The following NWD1 variants were observed in gnomAD, a reference collection of about 807,000 sequenced individuals.
The protein encoded by NWD1 is NACHT domain- and WD repeat-containing protein 1.
A neutral mutation model predicts 135.1 loss-of-function variants in NWD1; 129 were observed. The observed-to-expected ratio is 0.96, with a 90% CI of 0.83 to 1.11. NWD1 has a LOEUF of 1.11. NWD1 is among the 50% of genes least tolerant of loss of function. The probability of loss-of-function intolerance (pLI) is 0.00; values close to 1 mark genes in which losing one functional copy is unlikely to be tolerated. For missense variants in NWD1, 1,740 were observed against 1,851.3 expected, an observed-to-expected ratio of 0.94 and a Z score of 1.10; for synonymous variants, 773 against 786.0, an observed-to-expected ratio of 0.98 and a Z score of 0.28.
At chr19:16,777,039 G>A (rs1316427826) in intron 11 of NWD1, among the ~76,000 whole-genome samples, 1 of 90,412 alleles carries the variant, frequency 1.1e-5, no homozygotes, top group African/African-American at 4.5e-5. Flanking sequence ...GAAGGGAAAG[G>A]GAACTGGAGG....
intron 10 of NWD1, among the ~76,000 whole-genome samples, chr19:16,765,676 A>C (rs1969196240): frequency 6.6e-6 from 1 of 152,002 alleles, no homozygotes; most frequent in South Asian, 2.1e-4. Context: ...TTTGGACTGA[A>C]TACTACCAAA....
At position 16,761,970 on chromosome 19, in the gene NWD1, T is replaced by C. The variant is rs1454965780; in HGVS notation, c.1974-9T>C. 1 of 1,612,826 alleles carries C rather than the reference T, an allele frequency of 6.2e-7. No homozygotes were observed. Among genetic ancestry groups the C allele is most frequent in the East Asian group, 2.2e-5 (1 of 44,844 alleles). ...CCCAGGTCTATCAGTCTGTATACCC[T>C]CTCTGTAGACAGCTGGTCGAGGTGG... On this transcript the variant is annotated splice_polypyrimidine_tract_variant and intron_variant, in intron 7 of 18. Coordinates refer to ENST00000524140, the MANE Select transcript of NWD1 (RefSeq NM_001007525.5).
intron 6 of NWD1, among the ~76,000 whole-genome samples, chr19:16,758,904 T>C (rs2122867046): frequency 6.8e-6 from 1 of 146,394 alleles, no homozygotes; most frequent in Admixed American, 7.2e-5. Flanking sequence ...CTCAGGAGAC[T>C]GAGGCAGGAG....
At chr19:16,745,131 A>G in intron 5 of NWD1, 1 of 457,902 alleles carries the variant, frequency 2.2e-6, no homozygotes, top group South Asian at 1.6e-5. Context: ...AAAGAGGCAC[A>G]TCTTACATGG....
chr19:16,807,693 T>C lies in NWD1; in HGVS notation c.3844T>C (p.Phe1282Leu). 6.2e-7 allele frequency: 1 copy of C among 1,613,064 alleles called. No individual in the cohort carries two copies. Among genetic ancestry groups the C allele is most frequent in the Non-Finnish European group, 8.5e-7 (1 of 1,179,430 alleles). ...CCTCGTGTCGGGGGTCGTCCTTGTG[T>C]TCCCCCTGAATTCCAGGCAGGACGT... ...TGLVSGVVLV[F>L]PLNSRQDVIC... The change falls in exon 18 of 19, where the codon TTC (phenylalanine) becomes CTC (leucine). Residue 1282 changes from phenylalanine (F) to leucine (L), a missense_variant. Transcript: ENST00000524140.
At chr19:16,737,964 CGAAAAGAAAAGAAAAGAAAAGAAAA>C (rs60410383) in intron 4 of NWD1, among the ~76,000 whole-genome samples, 1 of 124,540 alleles carries the variant, frequency 8.0e-6, no homozygotes, top group Non-Finnish European at 1.7e-5. Context: ...GACTCTATCT[CGAAAAGAAAAGAAAAGAAAAGAAAA>C]GAAAAGAAAA....
intron 11 of NWD1, among the ~76,000 whole-genome samples, chr19:16,775,840 G>T: frequency 6.6e-6 from 1 of 151,960 alleles, no homozygotes; most frequent in East Asian, 1.9e-4. Context: ...GCTAATTTTT[G>T]TATTCTTGGT....
At chr19:16,797,166 C>T (rs1293007336) in intron 15 of NWD1, among the ~76,000 whole-genome samples, 1 of 148,640 alleles carries the variant, frequency 6.7e-6, no homozygotes, top group African/African-American at 2.5e-5. Context: ...AGTGACAGAG[C>T]GAGACTCCAT....
intron 3 of NWD1, among the ~76,000 whole-genome samples, chr19:16,734,565 TTTTTTC>T (rs1286377336): frequency 6.0e-5 from 9 of 150,030 alleles, no homozygotes; most frequent in South Asian, 2.1e-4. Flanking sequence ...CTTTCTTTTT[TTTTTTC>T]TTTTTTCTTT....
At chr19:16,770,028 T>C (rs1969362006) in intron 10 of NWD1, among the ~76,000 whole-genome samples, 1 of 152,190 alleles carries the variant, frequency 6.6e-6, no homozygotes, top group African/African-American at 2.4e-5. Flanking sequence ...TTATGATTTC[T>C]CTTGGTTTTC....
At chr19:16,735,854 GA>G (rs1432947342) in intron 3 of NWD1, among the ~76,000 whole-genome samples, 2,534 of 55,376 alleles carry the variant, frequency 0.046, 36 homozygotes, top group African/African-American at 0.13. Flanking sequence ...AGGAAGGAAG[GA>G]AGGAAGGAAG....
intron 4 of NWD1, among the ~76,000 whole-genome samples, chr19:16,739,933 G>T (rs1430294168): frequency 6.6e-6 from 1 of 152,012 alleles, no homozygotes; most frequent in Non-Finnish European, 1.5e-5. Context: ...TATAACCTCT[G>T]GTCTGTGGTT....
intron 12 of NWD1, among the ~76,000 whole-genome samples, chr19:16,786,635 T>C (rs2608736): frequency 0.12 from 18,059 of 151,826 alleles, 2,015 homozygotes; most frequent in African/African-American, 0.3. Flanking sequence ...CAACCTCTGC[T>C]TCCCAGGTTC....
chr19:16,722,886 C>T (rs1025034427), intron 1 of NWD1, among the ~76,000 whole-genome samples: 1 of 152,080 alleles, frequency 6.6e-6, no homozygotes, highest in Admixed American at 6.6e-5. Flanking sequence ...AAACCCCGGA[C>T]ACCAAGGCTC....
At chr19:16,749,021 C>T (rs942049685) in intron 5 of NWD1, 118 bp from the exon 6 acceptor site, 22 of 748,434 alleles carry the variant, frequency 2.9e-5, no homozygotes, top group Middle Eastern at 3.2e-4. Context: ...CTCTGGTGCA[C>T]GTTAATCTTG....
At chr19:16,790,798 T>C (rs1970219050) in intron 13 of NWD1, among the ~76,000 whole-genome samples, 1 of 152,138 alleles carries the variant, frequency 6.6e-6, no homozygotes, top group Admixed American at 6.6e-5. Context: ...CACTTGGACA[T>C]ATTAGGTTGA....
intron 3 of NWD1, among the ~76,000 whole-genome samples, chr19:16,731,630 A>T (rs1185559594): frequency 7.1e-6 from 1 of 141,010 alleles, no homozygotes; most frequent in Non-Finnish European, 1.5e-5. Context: ...TTTGAGACAG[A>T]GTCTCGCTCT....
At chr19:16,720,600 G>A (rs1340226110) in intron 1 of NWD1, among the ~76,000 whole-genome samples, 1 of 152,098 alleles carries the variant, frequency 6.6e-6, no homozygotes, top group African/African-American at 2.4e-5. Flanking sequence ...TCTGTCACTA[G>A]GCTGGAGTGC....
chr19:16,777,651 G>A, intron 11 of NWD1, among the ~76,000 whole-genome samples: 1 of 23,020 alleles, frequency 4.3e-5, no homozygotes, highest in Non-Finnish European at 9.2e-5. Flanking sequence ...GGAAGGGGAA[G>A]GGAAAGGGGA....
Sources: allele counts gnomAD v4.1 joint callset (sites outside exome capture counted in the v4.1 genomes callset), GRCh38; gene constraint gnomAD v4.1.1; transcripts MANE v1.5; gene names NCBI Gene and HGNC (gene_info 2026-07-23, HGNC 2026-07-21).